The following PRSS27 variants were observed in gnomAD, a reference collection of about 807,000 sequenced individuals.
PRSS27 encodes serine protease 27, also known as channel-activating protease 2.
A neutral mutation model predicts 32.0 loss-of-function variants in PRSS27; 25 were observed. The ratio of observed to expected loss-of-function variants is 0.78; its 90% CI spans 0.57 to 1.09. PRSS27 has a LOEUF of 1.09. PRSS27 is among the 50% of genes least tolerant of loss of function. The probability of loss-of-function intolerance (pLI) is 0.00; values close to 1 mark genes in which losing one functional copy is unlikely to be tolerated. For missense variants in PRSS27, 401 were observed against 394.9 expected, an observed-to-expected ratio of 1.02 and a Z score of -0.13; for synonymous variants, 178 against 172.2, an observed-to-expected ratio of 1.03 and a Z score of -0.26.
In PRSS27 at chr16:2,713,545, T is replaced by C. The variant is rs1487797721; in HGVS notation, c.662A>G (p.Lys221Arg). The C allele has an allele frequency of 1.2e-6, 2 of 1,614,126 alleles. No individual in the cohort carries two copies. The highest frequency in any genetic ancestry group is 1.7e-6 in the Non-Finnish European group (2 of 1,180,040). The part of the protein sequence containing the change: ...DMLCAGFEEG[K>R]KDACKGDSGG... ...TGCTCCCACCTTGCAGGCATCCTTCTTGCCCTCCTCGAAGCCGGCGCACAG... is the reference window on the plus strand; with the variant it reads ...TGCTCCCACCTTGCAGGCATCCTTCCTGCCCTCCTCGAAGCCGGCGCACAG... Residue 221 changes from lysine to arginine, a missense_variant, in exon 5 of 6, where the codon AAG becomes AGG. Coordinates refer to ENST00000302641, the MANE Select transcript of PRSS27 (RefSeq NM_031948.5).
rs908526265 is a variant in PRSS27 at position 2,712,560 on chromosome 16, G to C, written c.*60C>G. 6.3e-6 allele frequency: 9 copies of C among 1,436,342 alleles called. No individual in the cohort carries two copies. In the African/African-American group the frequency reaches 8.6e-5, roughly 14 times the overall value. 89.0% of individuals were successfully genotyped at this position (1,436,342 alleles called of 1,614,324 possible). On this transcript the variant is annotated 3_prime_UTR_variant, in exon 6 of 6. Transcript: ENST00000302641. The surrounding 1 kb of genome is among the most constrained non-coding windows in gnomAD (Gnocchi z 4.6). ...GCAGCGCTGGGAGGACCAGCAGGAT[G>C]GTGTGGGCGGGCAGGCTGGGTGCAG...
rs773882695 is a variant in PRSS27 at position 2,712,679 on chromosome 16, T to C, written c.814A>G (p.Ile272Val). Residue 272 changes from isoleucine to valine, a missense_variant, in exon 6 of 6, where the codon ATC becomes GTC. Ile to Val is a conservative substitution (Grantham distance 29, BLOSUM62 3). Coordinates refer to ENST00000302641, the MANE Select transcript of PRSS27 (RefSeq NM_031948.5). This position sits in a 1 kb window ranked among gnomAD's most constrained non-coding sequence, Gnocchi z 4.6. Reference sequence around the variant, plus strand: ...TGCAGTTTGGGGATGATCCGATGGATCCAGTTGTGGTGGGCGGTGACACGG... The same window carrying C: ...TGCAGTTTGGGGATGATCCGATGGACCCAGTTGTGGTGGGCGGTGACACGG... ...YIRVTAHHNW[I>V]HRIIPKLQFQ... 52 of 1,599,776 alleles carry C rather than the reference T, an allele frequency of 3.3e-5. No individual in the cohort carries two copies. Among genetic ancestry groups the C allele is most frequent in the Non-Finnish European group, 3.8e-5 (44 of 1,173,182 alleles).
chr16:2,716,546 G>A lies in PRSS27; in HGVS notation c.47-20C>T. 1.9e-6 allele frequency: 3 copies of A among 1,593,766 alleles called. No individual in the cohort carries two copies. Among genetic ancestry groups the A allele is most frequent in the Non-Finnish European group, 2.6e-6 (3 of 1,174,354 alleles). On this transcript the variant is annotated intron_variant, in intron 1 of 5. Coordinates refer to ENST00000302641, the MANE Select transcript of PRSS27 (RefSeq NM_031948.5). ...GAGACCCTGGAAGTGAGGAGAGGGT[G>A]ATCAGCCAGGCCAGCTGCAGCCTGG...
At chr16:2,713,946 G>A (rs915899623) in intron 4 of PRSS27, 119 bp downstream of exon 4, 7 of 1,197,466 alleles carry the variant, frequency 5.8e-6, no homozygotes, top group Middle Eastern at 4.7e-4. Flanking sequence ...TGTGTGAACA[G>A]AGACCGTGTG....
intron 3 of PRSS27, 195 bp downstream of exon 3, chr16:2,715,523 G>C (rs1487512512): frequency 1.9e-6 from 1 of 516,136 alleles, no homozygotes; most frequent in Admixed American, 4.0e-5. Context: ...CCGCGGGCGG[G>C]AGCAGCGGTT....
At chr16:2,716,459 C>T (rs2067702968) in intron 2 of PRSS27, 41 bp downstream of exon 2, 3 of 1,588,496 alleles carry the variant, frequency 1.9e-6, no homozygotes, top group Non-Finnish European at 2.6e-6. Flanking sequence ...CTCAGTCCAG[C>T]CGGCTCCTGT....
In PRSS27 at chr16:2,713,155, C is replaced by G. The variant is rs368334388; in HGVS notation, c.679-341G>C. 4.2e-4 allele frequency: 196 copies of G among 467,890 alleles called. 1 individual carries two copies. The highest frequency in any genetic ancestry group is 8.4e-4 in the East Asian group (21 of 25,074). The allele number at this position is 467,890 out of a possible 1,614,324, so 29.0% of individuals were successfully genotyped here. On this transcript the variant is annotated intron_variant, in intron 5 of 5. Coordinates refer to ENST00000302641, the MANE Select transcript of PRSS27 (RefSeq NM_031948.5). ...GCTCTGTGGCCCAGGCTGGAGTGCACTGGCGCGATCTCGGCTCACTGCAAG... is the reference window on the plus strand; with the variant it reads ...GCTCTGTGGCCCAGGCTGGAGTGCAGTGGCGCGATCTCGGCTCACTGCAAG...
intron 1 of PRSS27, among the ~76,000 whole-genome samples, chr16:2,718,769 G>A (rs1224291979): frequency 1.3e-5 from 2 of 152,206 alleles, no homozygotes; most frequent in East Asian, 3.9e-4. Context: ...TCACCCTGGA[G>A]CCAGAATCAA....
intron 5 of PRSS27, chr16:2,713,320 C>T (rs11861927): frequency 1.0e-5 from 6 of 599,832 alleles, no homozygotes; most frequent in Admixed American, 4.7e-5. Context: ...GGATGGTCTC[C>T]ATCTCCTGAC....
intron 1 of PRSS27, among the ~76,000 whole-genome samples, chr16:2,719,018 G>A (rs1431653379): frequency 2.0e-5 from 3 of 152,226 alleles, no homozygotes; most frequent in African/African-American, 7.2e-5. Context: ...TAGCTGGTGG[G>A]GATGGTGAAG....
intron 1 of PRSS27, 74 bp from the exon 2 acceptor site, chr16:2,716,600 T>G: frequency 7.1e-7 from 1 of 1,410,298 alleles, no homozygotes; most frequent in South Asian, 1.2e-5. Flanking sequence ...GCAGCCCCTC[T>G]CCACTGACCC....
rs545482664 is a variant in PRSS27, at chr16:2,714,939, T to A, written c.237-603A>T. On this transcript the variant is annotated intron_variant, in intron 3 of 5. Coordinates refer to ENST00000302641, the MANE Select transcript of PRSS27 (RefSeq NM_031948.5). This position sits in a 1 kb window ranked among gnomAD's most constrained non-coding sequence, Gnocchi z 4.7. ...TGTTTTTTGTTTTTTAATTTTTTTTTATTTTTAGTAGAGACAGGGTCTTGC... is the reference window on the plus strand; with the variant it reads ...TGTTTTTTGTTTTTTAATTTTTTTTAATTTTTAGTAGAGACAGGGTCTTGC... The A allele has an allele frequency of 1.3e-5, 2 of 154,096 alleles. No homozygotes were observed. Among genetic ancestry groups the A allele is most frequent in the South Asian group, 2.0e-4 (1 of 5,038 alleles). 9.5% of individuals were successfully genotyped at this position (154,096 alleles called of 1,614,324 possible).
rs201349935 is a variant in PRSS27 at position 2,714,325 on chromosome 16, G to A, written c.248C>T (p.Thr83Met). The stretch of plus-strand genomic sequence containing the variant: ...CCCCAGCAGGACCTGGTACAGGGAC[G>A]TCTCAGAGGTGCTGGCGGGAGAAAC... ...AAHCFRNTSE[T>M]SLYQVLLGAR... Residue 83 changes from threonine (T) to methionine (M), a missense_variant, in exon 4 of 6, where the codon ACG becomes ATG. Coordinates refer to ENST00000302641, the MANE Select transcript of PRSS27 (RefSeq NM_031948.5). This position sits in a 1 kb window ranked among gnomAD's most constrained non-coding sequence, Gnocchi z 4.7. The A allele has an allele frequency of 5.8e-5, 94 of 1,612,774 alleles. No homozygotes were observed. In the East Asian group the frequency reaches 8.0e-4, roughly 14 times the overall value.
Position 2,714,564 on chromosome 16 carries a change from G to A in PRSS27, c.237-228C>T. The A allele has an allele frequency of 1.7e-6, 1 of 592,072 alleles. No individual in the cohort carries two copies. The highest frequency in any genetic ancestry group is 3.0e-6 in the Non-Finnish European group (1 of 330,718). The allele number at this position is 592,072 out of a possible 1,614,324, so 36.7% of individuals were successfully genotyped here. ...CACCCCTGGCCGCTGTGTGGCCTTGGGCAAGTCACTTAACAAGTTCTCTGT... is the reference window on the plus strand; with the variant it reads ...CACCCCTGGCCGCTGTGTGGCCTTGAGCAAGTCACTTAACAAGTTCTCTGT... On this transcript the variant is annotated intron_variant, in intron 3 of 5. Coordinates refer to ENST00000302641, the MANE Select transcript of PRSS27 (RefSeq NM_031948.5). The surrounding 1 kb of genome is among the most constrained non-coding windows in gnomAD (Gnocchi z 4.7).
chr16:2,716,252 A>T, intron 2 of PRSS27: 1 of 593,992 alleles, frequency 1.7e-6, no homozygotes, highest in Non-Finnish European at 3.0e-6. Flanking sequence ...GTCACGGTTC[A>T]GGGTGATCCT....
In PRSS27 at chr16:2,715,662, G is replaced by A. The variant is rs1291872493; in HGVS notation, c.236+56C>T. 5.5e-6 allele frequency: 8 copies of A among 1,461,018 alleles called. No individual in the cohort carries two copies. The African/African-American group carries it at 9.8e-5, about 18-fold the overall frequency. The allele number at this position is 1,461,018 out of a possible 1,614,324, so 90.5% of individuals were successfully genotyped here. On this transcript the variant is annotated intron_variant, in intron 3 of 5. Coordinates refer to ENST00000302641, the MANE Select transcript of PRSS27 (RefSeq NM_031948.5). ...GGGCGCTGTCCACGGTGCTGAACCG[G>A]TCGCGCGCGGGGCGCTGTCAGCGCT...
At chr16:2,716,334 T>TTCC (rs1257252096) in intron 2 of PRSS27, 166 bp downstream of exon 2, 7 of 686,234 alleles carry the variant, frequency 1.0e-5, no homozygotes, top group Non-Finnish European at 2.5e-6. Context: ...TGTGTGGACC[T>TTCC]TCCTCCTCCT....
chr16:2,714,240 C>T lies in PRSS27; in HGVS notation c.333G>A (p.Glu111=), dbSNP rs765125186. 3.1e-6 allele frequency: 5 copies of T among 1,613,346 alleles called. No homozygotes were observed. Among genetic ancestry groups the T allele is most frequent in the Non-Finnish European group, 4.2e-6 (5 of 1,179,794 alleles). The part of the protein sequence containing the change: ...HAMYARVRQV[E]SNPLYQGTAS... ...CCGTGCCCTGGTACAGGGGGTTGCTCTCCACCTGCCTCACCCGGGCATACA... is the reference window on the plus strand; with the variant it reads ...CCGTGCCCTGGTACAGGGGGTTGCTTTCCACCTGCCTCACCCGGGCATACA... Residue 111 remains glutamate, a synonymous_variant, in exon 4 of 6, where the codon GAG becomes GAA. Transcript: ENST00000302641. This position sits in a 1 kb window ranked among gnomAD's most constrained non-coding sequence, Gnocchi z 4.7.
intron 1 of PRSS27, 71 bp from the exon 2 acceptor site, chr16:2,716,597 C>T: frequency 1.4e-6 from 2 of 1,439,546 alleles, no homozygotes; most frequent in Admixed American, 1.9e-5. Flanking sequence ...CCTGCAGCCC[C>T]TCTCCACTGA....
Sources: gnomAD v4.1 joint callset for allele counts (sites outside exome capture counted in the v4.1 genomes callset) on GRCh38, gnomAD v4.1.1 for gene constraint, Gnocchi (gnomAD v3.1) non-coding constraint, MANE v1.5 for transcripts, NCBI Gene and HGNC (gene_info 2026-07-23, HGNC 2026-07-21) for gene names.